Variants in DUSP22 observed in about 807,000 individuals in gnomAD.
DUSP22 encodes the protein dual specificity phosphatase 22, also known as dual specificity protein phosphatase 22.
DUSP22 carries 24 observed loss-of-function variants against 24.5 expected under a neutral mutation model. The observed-to-expected ratio is 0.98, with a 90% CI of 0.71 to 1.38. The LOEUF (loss-of-function observed/expected upper bound fraction) is 1.38. DUSP22 is among the 40% of genes most tolerant of loss of function. DUSP22 has a pLI of 0.00. For missense variants in DUSP22, 330 were observed against 269.2 expected, an observed-to-expected ratio of 1.23 and a Z score of -1.58; for synonymous variants, 160 against 106.4, an observed-to-expected ratio of 1.50 and a Z score of -3.10.
At chr6:320,458 G>A in intron 3 of DUSP22, 1 of 153,224 alleles carries the variant, frequency 6.5e-6, no homozygotes, top group South Asian at 2.1e-4. Context: ...AGATCTGCCA[G>A]GATATCGAAA....
At chr6:300,168 T>A (rs1757515277) in intron 1 of DUSP22, among the ~76,000 whole-genome samples, 1 of 152,304 alleles carries the variant, frequency 6.6e-6, no homozygotes, top group Admixed American at 6.5e-5. Flanking sequence ...AATTGGGCTG[T>A]TTCCCATAAA....
At chr6:334,506 C>G (rs911351394) in intron 3 of DUSP22, among the ~76,000 whole-genome samples, 1 of 152,032 alleles carries the variant, frequency 6.6e-6, no homozygotes, top group African/African-American at 2.4e-5. Context: ...TTATTTTTTT[C>G]AAATTTGGCC....
intron 3 of DUSP22, among the ~76,000 whole-genome samples, chr6:332,218 C>G (rs1372027288): frequency 6.6e-6 from 1 of 152,300 alleles, no homozygotes; most frequent in Non-Finnish European, 1.5e-5. Context: ...AATCTTGACT[C>G]AGGTTTTCTA....
intron 2 of DUSP22, among the ~76,000 whole-genome samples, chr6:304,875 C>A (rs1486458635): frequency 6.7e-6 from 1 of 149,438 alleles, no homozygotes; most frequent in Non-Finnish European, 1.5e-5. Flanking sequence ...CAGCCCCGGG[C>A]AGCCACCATT....
chr6:301,732 G>A (rs1351724742), intron 1 of DUSP22, among the ~76,000 whole-genome samples: 1 of 152,296 alleles, frequency 6.6e-6, no homozygotes, highest in Non-Finnish European at 1.5e-5. Flanking sequence ...TTTTCATTCG[G>A]GGTGACTGGG....
chr6:308,798 T>C (rs1757940464), intron 2 of DUSP22, among the ~76,000 whole-genome samples: 1 of 152,300 alleles, frequency 6.6e-6, no homozygotes, highest in Non-Finnish European at 1.5e-5. Flanking sequence ...TATATCCCAA[T>C]AAAGCTTTGT....
intron 1 of DUSP22, among the ~76,000 whole-genome samples, chr6:297,789 A>G (rs1185992756): frequency 1.3e-5 from 2 of 152,302 alleles, no homozygotes; most frequent in Non-Finnish European, 2.9e-5. Flanking sequence ...CTCTGTTTTC[A>G]TACGGGAAGG....
At chr6:342,113 T>C (rs1312576073) in intron 4 of DUSP22, among the ~76,000 whole-genome samples, 1 of 152,304 alleles carries the variant, frequency 6.6e-6, no homozygotes, top group African/African-American at 2.4e-5. Flanking sequence ...TACAACTGAA[T>C]GTGACCCCAA....
intron 2 of DUSP22, among the ~76,000 whole-genome samples, chr6:308,620 T>A (rs932128048): frequency 5.3e-5 from 8 of 152,298 alleles, no homozygotes; most frequent in Non-Finnish European, 1.0e-4. Flanking sequence ...AAATGTATGC[T>A]TTTTTCCCCA....
intron 1 of DUSP22, among the ~76,000 whole-genome samples, chr6:295,960 T>C (rs1045601244): frequency 1.8e-4 from 27 of 152,410 alleles, no homozygotes; most frequent in Non-Finnish European, 3.5e-4. Context: ...GCATAAGTAA[T>C]GCCAGGCAGG....
chr6:349,732 G>T lies in DUSP22; in HGVS notation c.*781G>T. 2 of 986,158 alleles carry T rather than the reference G, an allele frequency of 2.0e-6. No homozygotes were observed. The highest frequency in any genetic ancestry group is 2.4e-6 in the Non-Finnish European group (2 of 830,424). The allele number at this position is 986,158 out of a possible 1,614,324, so 61.1% of individuals were successfully genotyped here. On this transcript the variant is annotated 3_prime_UTR_variant, in exon 7 of 7. Transcript: ENST00000419235. Reference sequence around the variant, plus strand: ...CCTCCATCTCAATGTGAATGCACCAGGCTGAGGGTTCCCTAGCGCCTTGAG... The same window carrying T: ...CCTCCATCTCAATGTGAATGCACCATGCTGAGGGTTCCCTAGCGCCTTGAG...
intron 4 of DUSP22, among the ~76,000 whole-genome samples, chr6:340,354 G>T (rs1194318106): frequency 6.6e-6 from 1 of 152,312 alleles, no homozygotes; most frequent in East Asian, 1.9e-4. Flanking sequence ...GTGGACTGGG[G>T]GCTTCACCAT....
rs779083971 is a variant in DUSP22, at chr6:292,553, T to C, written c.14T>C (p.Met5Thr). ...CCTTCAGCCACCATGGGGAATGGGA[T>C]GAACAAGGTAACGTCTTCCCTCGTT... MGNG[M>T]NKILPGLYIG... is the part of the protein sequence containing the mutation. The change falls in exon 1 of 7, where the codon ATG becomes ACG. Residue 5 changes from methionine (M) to threonine (T), a missense_variant. Met to Thr is a moderately conservative substitution (Grantham distance 81). Coordinates refer to ENST00000419235, the MANE Select transcript of DUSP22 (RefSeq NM_001286555.3). 2 of 1,604,596 alleles carry C rather than the reference T, an allele frequency of 1.2e-6. No homozygotes were observed. Among genetic ancestry groups the C allele is most frequent in the African/African-American group, 1.3e-5 (1 of 74,332 alleles).
intron 3 of DUSP22, among the ~76,000 whole-genome samples, chr6:322,715 C>T (rs1163440955): frequency 3.3e-5 from 5 of 151,768 alleles, no homozygotes; most frequent in African/African-American, 7.3e-5. Context: ...TGTTCCGGGT[C>T]GGGACAGCAC....
chr6:332,330 C>G lies in DUSP22; in HGVS notation c.139-2784C>G, dbSNP rs1268491938. Among the ~76,000 whole-genome samples, 11 of 152,424 alleles carry G rather than the reference C, an allele frequency of 7.2e-5. No homozygotes were observed. The South Asian group carries it at 2.3e-3, about 32-fold the overall frequency. ...TCACAGATGGGAGGCTGCAGCTCCA[C>G]ACGCCCACCCCAGCGACTGTGGGCA... On this transcript the variant is annotated intron_variant, in intron 3 of 6. Transcript: ENST00000419235.
At chr6:310,417 GTCT>G (rs1178934518) in intron 2 of DUSP22, among the ~76,000 whole-genome samples, 5 of 152,424 alleles carry the variant, frequency 3.3e-5, no homozygotes, top group Non-Finnish European at 4.4e-5. Context: ...ACACCATTTG[GTCT>G]TCTTTTTGCA....
chr6:332,880 G>A (rs1215830401), intron 3 of DUSP22, among the ~76,000 whole-genome samples: 2 of 152,294 alleles, frequency 1.3e-5, no homozygotes, highest in Non-Finnish European at 2.9e-5. Context: ...TGGAGGGAGA[G>A]TGTGGGAGGA....
At chr6:322,833 G>GT (rs772100677) in intron 3 of DUSP22, among the ~76,000 whole-genome samples, 3 of 91,530 alleles carry the variant, frequency 3.3e-5, no homozygotes, top group African/African-American at 7.0e-5. Flanking sequence ...TGCTTGGTGG[G>GT]GCGGGGGGGG....
chr6:329,009 T>C (rs1256095365), intron 3 of DUSP22, among the ~76,000 whole-genome samples: 1 of 152,302 alleles, frequency 6.6e-6, no homozygotes, highest in Non-Finnish European at 1.5e-5. Context: ...AAGTCATACC[T>C]GGAGGAGAAA....
Sources: gnomAD v4.1 joint callset for allele counts (sites outside exome capture counted in the v4.1 genomes callset) on GRCh38, gnomAD v4.1.1 for gene constraint, MANE v1.5 for transcripts, NCBI Gene and HGNC (gene_info 2026-07-23, HGNC 2026-07-21) for gene names.